The following L3MBTL4 variants were observed in gnomAD, a reference collection of about 807,000 sequenced individuals.
L3MBTL4 encodes the protein lethal(3)malignant brain tumor-like protein 4.
L3MBTL4 carries 70 observed loss-of-function variants against 84.5 expected under a neutral mutation model. That is an observed-to-expected ratio of 0.83 (90% CI 0.68 to 1.01). The LOEUF (loss-of-function observed/expected upper bound fraction) is 1.01. Among genes scored for constraint, L3MBTL4 ranks in the 50% least tolerant of loss-of-function variants. The pLI, the probability that L3MBTL4 is intolerant of heterozygous loss-of-function variation, is 0.00. For synonymous variants in L3MBTL4, 274 were observed against 259.8 expected (o/e 1.05, Z -0.52); for missense variants, 715 against 754.8 (o/e 0.95, Z 0.62).
intron 16 of L3MBTL4, among the ~76,000 whole-genome samples, chr18:6,072,200 AT>A (rs1490174152): frequency 6.6e-6 from 1 of 152,210 alleles, no homozygotes; most frequent in African/African-American, 2.4e-5. Flanking sequence ...TATCACAACC[AT>A]AGTAGAGGAC....
intron 1 of L3MBTL4, among the ~76,000 whole-genome samples, chr18:6,346,094 T>C (rs941212134): frequency 3.7e-5 from 5 of 133,588 alleles, no homozygotes; most frequent in Admixed American, 3.0e-4. Context: ...CTTCAAGAAA[T>C]GATGTTGGAA....
At chr18:6,017,800 A>G (rs1345605143) in intron 16 of L3MBTL4, 3 of 152,232 alleles carry the variant, frequency 2.0e-5, no homozygotes, top group Non-Finnish European at 4.4e-5. Flanking sequence ...CTTTAGTAAA[A>G]GGTGAAAGAT....
At chr18:6,355,629 A>G (rs2053407858) in intron 1 of L3MBTL4, among the ~76,000 whole-genome samples, 1 of 152,174 alleles carries the variant, frequency 6.6e-6, no homozygotes, top group South Asian at 2.1e-4. Context: ...TGTTCTAAAT[A>G]ATTATCATTT....
intron 16 of L3MBTL4, among the ~76,000 whole-genome samples, chr18:6,070,764 G>A (rs72862026): frequency 0.11 from 16,637 of 152,132 alleles, 1,259 homozygotes; most frequent in African/African-American, 0.19. Context: ...CTTGAGCCCC[G>A]CAGGTTGAGG....
intron 16 of L3MBTL4, among the ~76,000 whole-genome samples, chr18:6,067,656 C>T (rs918180889): frequency 6.6e-6 from 1 of 152,090 alleles, no homozygotes; most frequent in East Asian, 1.9e-4. Context: ...TACTTCATGA[C>T]ATCAATCTCT....
In L3MBTL4 at chr18:6,360,787, C is replaced by T. The variant is rs143766360; in HGVS notation, c.-90-48731G>A. On this transcript the variant is annotated intron_variant, in intron 1 of 18. Transcript: ENST00000317931. ...AATGAACTGCTTGAGGCCAGGAGTTCAAGACCAGCCTGAGTAACATACCAA... is the reference window on the plus strand; with the variant it reads ...AATGAACTGCTTGAGGCCAGGAGTTTAAGACCAGCCTGAGTAACATACCAA... 4.6e-3 allele frequency among the ~76,000 whole-genome samples: 706 copies of T among 152,112 alleles called. 5 individuals carry two copies. The highest frequency in any genetic ancestry group is 0.016 in the African/African-American group (668 of 41,490).
intron 1 of L3MBTL4, among the ~76,000 whole-genome samples, chr18:6,373,009 T>A (rs2054219955): frequency 6.6e-6 from 1 of 152,230 alleles, no homozygotes; most frequent in Admixed American, 6.5e-5. Flanking sequence ...TTTTCCTTTT[T>A]GAAAACTGTC....
At chr18:6,295,478 C>T (rs1027790765) in intron 4 of L3MBTL4, among the ~76,000 whole-genome samples, 2 of 151,648 alleles carry the variant, frequency 1.3e-5, no homozygotes, top group African/African-American at 4.9e-5. Flanking sequence ...CATGTTCCTT[C>T]CCTTTATAAG....
chr18:6,178,151 T>C (rs948054141), intron 12 of L3MBTL4, among the ~76,000 whole-genome samples: 1 of 152,172 alleles, frequency 6.6e-6, no homozygotes, highest in Admixed American at 6.5e-5. Flanking sequence ...TATTTTTACA[T>C]ACCCTATTCA....
intron 4 of L3MBTL4, among the ~76,000 whole-genome samples, chr18:6,294,980 C>T (rs2050026464): frequency 6.6e-6 from 1 of 152,094 alleles, no homozygotes; most frequent in Non-Finnish European, 1.5e-5. Flanking sequence ...TTTCATAAAA[C>T]AGCCTTTAAG....
chr18:6,140,812 C>T (rs1341530675), intron 13 of L3MBTL4, among the ~76,000 whole-genome samples: 1 of 151,920 alleles, frequency 6.6e-6, no homozygotes, highest in Non-Finnish European at 1.5e-5. Flanking sequence ...ATCCCACATC[C>T]CCTCTTAGCT....
At chr18:6,294,984 C>A (rs1272557909) in intron 4 of L3MBTL4, among the ~76,000 whole-genome samples, 1 of 152,094 alleles carries the variant, frequency 6.6e-6, no homozygotes, top group Non-Finnish European at 1.5e-5. Flanking sequence ...ATAAAACAGC[C>A]TTTAAGAGGC....
At chr18:5,964,230 T>C (rs1387024950) in intron 17 of L3MBTL4, among the ~76,000 whole-genome samples, 6 of 152,212 alleles carry the variant, frequency 3.9e-5, no homozygotes, top group Non-Finnish European at 8.8e-5. Flanking sequence ...GACAGCAGTC[T>C]GGGGAGACTG....
rs538518478 is a variant in L3MBTL4 at position 6,094,269 on chromosome 18, C to T, written c.1200-741G>A. Among the ~76,000 whole-genome samples the T allele has an allele frequency of 4.6e-5, 7 of 152,312 alleles. No homozygotes were observed. The East Asian group carries it at 1.4e-3, about 29-fold the overall frequency. ...GCCCACGTCCCTGTCTCCAAAGAGG[C>T]CCCAAAACTCTGCCGCTGCTAGAAA... On this transcript the variant is annotated intron_variant, in intron 14 of 18. Coordinates refer to ENST00000317931, the MANE Select transcript of L3MBTL4 (RefSeq NM_001330559.2).
In L3MBTL4 at chr18:6,243,319, G is replaced by T. The variant is rs746059834; in HGVS notation, c.435C>A (p.Thr145=). Residue 145 remains threonine (T), a synonymous_variant, in exon 7 of 19, where the codon ACC becomes ACA. Transcript: ENST00000317931. ...DIHPVGWCEK[T]KHELHIPKGY... Reference sequence around the variant, plus strand: ...CCTTAGGGATGTGCAGTTCATGTTTGGTCTTTTCACACCATCCTACTGGAT... The same window carrying T: ...CCTTAGGGATGTGCAGTTCATGTTTTGTCTTTTCACACCATCCTACTGGAT... 34 of 1,598,286 alleles carry T rather than the reference G, an allele frequency of 2.1e-5. No homozygotes were observed. The East Asian group carries it at 5.2e-4, about 24-fold the overall frequency.
chr18:6,267,324 G>A (rs1226828985), intron 4 of L3MBTL4, among the ~76,000 whole-genome samples: 3 of 152,126 alleles, frequency 2.0e-5, no homozygotes, highest in Non-Finnish European at 2.9e-5. Flanking sequence ...TGTCATCGAT[G>A]GATTTTCTTG....
At chr18:6,202,285 T>TA (rs1484174340) in intron 12 of L3MBTL4, among the ~76,000 whole-genome samples, 1 of 152,146 alleles carries the variant, frequency 6.6e-6, no homozygotes, top group Admixed American at 6.6e-5. Flanking sequence ...TAAATTTGTT[T>TA]AAAGTTTGTC....
intron 4 of L3MBTL4, among the ~76,000 whole-genome samples, chr18:6,264,804 C>T (rs1458602165): frequency 1.3e-5 from 2 of 152,168 alleles, no homozygotes; most frequent in East Asian, 1.9e-4. Flanking sequence ...AAAATCGTTC[C>T]TAAAAGTCGA....
chr18:6,382,988 G>A (rs563391018), intron 1 of L3MBTL4, among the ~76,000 whole-genome samples: 19 of 151,472 alleles, frequency 1.3e-4, no homozygotes, highest in East Asian at 3.9e-4. Flanking sequence ...GGGGCTTTGC[G>A]TTTTTTTTCA....
Sources: allele counts gnomAD v4.1 joint callset (sites outside exome capture counted in the v4.1 genomes callset), GRCh38; gene constraint gnomAD v4.1.1; transcripts MANE v1.5; gene names NCBI Gene and HGNC (gene_info 2026-07-23, HGNC 2026-07-21).